COG5: variants seen among roughly 807,000 people sequenced by gnomAD.
COG5 encodes component of oligomeric golgi complex 5, also known as conserved oligomeric Golgi complex subunit 5.
Under a neutral mutation model 110.4 loss-of-function variants are expected in COG5, and 86 were observed. The ratio of observed to expected loss-of-function variants is 0.78; its 90% CI spans 0.65 to 0.93. COG5 has a LOEUF of 0.93. COG5 is among the 40% of genes least tolerant of loss of function. COG5 has a pLI of 0.00. For missense variants in COG5, 1,077 were observed against 987.0 expected (o/e 1.09, Z -1.22); for synonymous variants, 360 against 334.6 (o/e 1.08, Z -0.83).
intron 5 of COG5, among the ~76,000 whole-genome samples, chr7:107,540,221 G>T (rs1048429519): frequency 3.3e-5 from 5 of 152,186 alleles, no homozygotes; most frequent in Non-Finnish European, 7.4e-5. Context: ...ATAGTAAACA[G>T]GGCTAAACTA....
chr7:107,207,833 A>G (rs755442879), intron 21 of COG5: 11 of 985,358 alleles, frequency 1.1e-5, no homozygotes, highest in Non-Finnish European at 1.2e-5. Context: ...GTCAGAAGAA[A>G]ACAGGAAGGC....
chr7:107,300,682 T>C (rs1807183091), intron 11 of COG5, among the ~76,000 whole-genome samples: 1 of 152,102 alleles, frequency 6.6e-6, no homozygotes, highest in African/African-American at 2.4e-5. Context: ...CCTATATAAA[T>C]GGAAAGAGAG....
intron 8 of COG5, among the ~76,000 whole-genome samples, chr7:107,365,427 G>T (rs1015009138): frequency 2.0e-5 from 3 of 151,744 alleles, no homozygotes; most frequent in African/African-American, 7.3e-5. Context: ...CTGTAGATAA[G>T]TCAAAATGAA....
chr7:107,293,495 G>A (rs1313644410), intron 12 of COG5, among the ~76,000 whole-genome samples: 2 of 152,148 alleles, frequency 1.3e-5, no homozygotes, highest in African/African-American at 4.8e-5. Flanking sequence ...CAGTTTTTCT[G>A]ACCACATTTT....
intron 7 of COG5, among the ~76,000 whole-genome samples, chr7:107,405,137 T>G (rs1791736574): frequency 6.6e-6 from 1 of 152,230 alleles, no homozygotes; most frequent in African/African-American, 2.4e-5. Flanking sequence ...CATGATTCTA[T>G]TACTTGCCAG....
chr7:107,400,529 T>C (rs1466758706), intron 7 of COG5, among the ~76,000 whole-genome samples: 1 of 152,120 alleles, frequency 6.6e-6, no homozygotes, highest in African/African-American at 2.4e-5. Context: ...CAATTACACA[T>C]AGACTAGAGT....
intron 12 of COG5, among the ~76,000 whole-genome samples, chr7:107,290,431 C>T (rs892070919): frequency 2.6e-5 from 4 of 151,976 alleles, no homozygotes; most frequent in African/African-American, 7.3e-5. Context: ...TTTATACAGT[C>T]GATACATATT....
chr7:107,560,589 G>A (rs1211704965), intron 1 of COG5, among the ~76,000 whole-genome samples: 2 of 152,014 alleles, frequency 1.3e-5, no homozygotes, highest in Non-Finnish European at 2.9e-5. Flanking sequence ...ATTTACAAGG[G>A]GAACAAGCAC....
intron 12 of COG5, among the ~76,000 whole-genome samples, chr7:107,285,191 A>C (rs987233294): frequency 1.3e-5 from 2 of 152,218 alleles, no homozygotes; most frequent in African/African-American, 4.8e-5. Context: ...GTAAAATGCT[A>C]ATTATAATAA....
chr7:107,254,847 T>A (rs1236518502), intron 16 of COG5, among the ~76,000 whole-genome samples: 1 of 152,198 alleles, frequency 6.6e-6, no homozygotes, highest in African/African-American at 2.4e-5. Context: ...ATGGACCTTC[T>A]GAAACTGTGG....
chr7:107,343,218 A>AG (rs1425954812), intron 10 of COG5, among the ~76,000 whole-genome samples: 1 of 152,162 alleles, frequency 6.6e-6, no homozygotes, highest in African/African-American at 2.4e-5. Context: ...GGTCTACTAG[A>AG]GGAGGCAAGG....
chr7:107,544,176 AAACCC>A (rs1434013610), intron 5 of COG5, among the ~76,000 whole-genome samples: 1 of 151,962 alleles, frequency 6.6e-6, no homozygotes, highest in East Asian at 1.9e-4. Flanking sequence ...TAACCCTGGT[AAACCC>A]AAGACCAGGC....
chr7:107,370,523 C>T (rs1458520157), intron 8 of COG5, among the ~76,000 whole-genome samples: 7 of 151,982 alleles, frequency 4.6e-5, no homozygotes, highest in East Asian at 1.9e-4. Flanking sequence ...CGGTGGCTCA[C>T]GCCTGTAATC....
At chr7:107,468,503 A>G (rs1364988035) in intron 6 of COG5, among the ~76,000 whole-genome samples, 4 of 151,800 alleles carry the variant, frequency 2.6e-5, no homozygotes, top group Non-Finnish European at 5.9e-5. Context: ...CTTTTCCCCA[A>G]CTTTCAAAAC....
At chr7:107,353,164 G>T (rs777276573) in intron 10 of COG5, among the ~76,000 whole-genome samples, 2 of 152,050 alleles carry the variant, frequency 1.3e-5, no homozygotes, top group African/African-American at 4.8e-5. Context: ...GGTGGTTCAC[G>T]CCTGTAATCC....
intron 11 of COG5, among the ~76,000 whole-genome samples, chr7:107,314,438 T>C (rs1808545605): frequency 6.6e-6 from 1 of 152,070 alleles, no homozygotes; most frequent in Non-Finnish European, 1.5e-5. Flanking sequence ...AATAAATACT[T>C]TTTTAAAAGA....
rs143699341 is a variant in COG5 at position 107,377,717 on chromosome 7, C to T, written c.670-4957G>A. Among the ~76,000 whole-genome samples, 191 of 152,292 alleles carry T rather than the reference C, an allele frequency of 1.3e-3. 1 individual carries two copies. The highest frequency in any genetic ancestry group is 4.1e-3 in the African/African-American group (170 of 41,562). On this transcript the variant is annotated intron_variant, in intron 7 of 21. Coordinates refer to ENST00000297135, the MANE Select transcript of COG5 (RefSeq NM_006348.5). ...AGCAAAAATAAGAGCATCAACCTAA[C>T]GGGTAAATAAAATAATCTTTACTCT...
At chr7:107,482,678 C>T (rs960614517) in intron 6 of COG5, among the ~76,000 whole-genome samples, 2 of 151,894 alleles carry the variant, frequency 1.3e-5, no homozygotes, top group South Asian at 2.1e-4. Context: ...TAATCCAGTA[C>T]TACATTAGAT....
chr7:107,323,184 A>C (rs934221122), intron 11 of COG5, among the ~76,000 whole-genome samples: 16 of 152,210 alleles, frequency 1.1e-4, no homozygotes, highest in African/African-American at 3.9e-4. Context: ...ACAAAAACCA[A>C]GGAAATATAC....
Sources: gnomAD v4.1 joint callset for allele counts (sites outside exome capture counted in the v4.1 genomes callset) on GRCh38, gnomAD v4.1.1 for gene constraint, MANE v1.5 for transcripts, NCBI Gene and HGNC (gene_info 2026-07-23, HGNC 2026-07-21) for gene names.